The following RAD23A variants were observed in gnomAD, a reference collection of about 807,000 sequenced individuals.
RAD23A encodes lysine-specific demethylase RAD23A.
Under a neutral mutation model 44.8 loss-of-function variants are expected in RAD23A, and 16 were observed. The ratio of observed to expected loss-of-function variants is 0.36; its 90% CI spans 0.24 to 0.54. The LOEUF is 0.54. RAD23A is among the 20% of genes least tolerant of loss of function. The pLI is 0.89. For synonymous variants in RAD23A, 217 were observed against 202.9 expected (o/e 1.07, Z -0.59); for missense variants, 380 against 483.3 (o/e 0.79, Z 2.00).
At chr19:12,946,486 G>C (rs1032607170) in intron 1 of RAD23A, among the ~76,000 whole-genome samples, 2 of 152,214 alleles carry the variant, frequency 1.3e-5, no homozygotes, top group African/African-American at 4.8e-5. Flanking sequence ...AATTTTGGTG[G>C]TCCGTGTTTG....
At chr19:12,950,654 G>T (rs903851477) in intron 7 of RAD23A, among the ~76,000 whole-genome samples, 7 of 152,074 alleles carry the variant, frequency 4.6e-5, no homozygotes, top group African/African-American at 7.2e-5. Context: ...GCCCGCCTTG[G>T]CCTCCCAAAG....
At chr19:12,949,969 C>T (rs1254415787) in intron 7 of RAD23A, among the ~76,000 whole-genome samples, 1 of 151,860 alleles carries the variant, frequency 6.6e-6, no homozygotes, top group Non-Finnish European at 1.5e-5. Flanking sequence ...TGACCCTTCT[C>T]CTCTCACTTC....
intron 7 of RAD23A, 45 bp from the exon 8 acceptor site, chr19:12,952,644 G>A: frequency 6.4e-7 from 1 of 1,557,240 alleles, no homozygotes; most frequent in Non-Finnish European, 8.8e-7. Context: ...GAGAGGAGGG[G>A]ACCAGGGCTG....
chr19:12,948,564 G>A lies in RAD23A; in HGVS notation c.472+12G>A. 3 of 1,589,512 alleles carry A rather than the reference G, an allele frequency of 1.9e-6. No individual in the cohort carries two copies. Among genetic ancestry groups the A allele is most frequent in the Non-Finnish European group, 2.6e-6 (3 of 1,167,280 alleles). On this transcript the variant is annotated intron_variant, in intron 4 of 8. Transcript: ENST00000586534. The surrounding 1 kb of genome is among the most constrained non-coding windows in gnomAD (Gnocchi z 5.5). ...GGCCTCCACGCTAGGTGGGTGGGTG[G>A]TCCCCAGGGCAGAGGTGACTGGGTG... is the stretch of plus-strand genomic sequence containing the variant.
At chr19:12,952,123 A>G (rs1288814011) in intron 7 of RAD23A, among the ~76,000 whole-genome samples, 1 of 152,144 alleles carries the variant, frequency 6.6e-6, no homozygotes, top group Non-Finnish European at 1.5e-5. Flanking sequence ...GAGTTTCACC[A>G]TATTGGCCAG....
intron 7 of RAD23A, among the ~76,000 whole-genome samples, chr19:12,952,033 C>T (rs1443858361): frequency 2.6e-5 from 4 of 151,942 alleles, no homozygotes; most frequent in Non-Finnish European, 5.9e-5. Context: ...AGTGATTCTC[C>T]TACCTTAGCC....
rs1031172465 is a variant in RAD23A, at chr19:12,953,326, C to G, written c.*277C>G. On this transcript the variant is annotated 3_prime_UTR_variant, in exon 9 of 9. Coordinates refer to ENST00000586534, the MANE Select transcript of RAD23A (RefSeq NM_005053.4). ...AGGCGACAGATGGGCCCCTCTTGGC[C>G]TCTGTCCCAGCTCTCTGCAGCCAGA... The G allele has an allele frequency of 5.7e-5, 16 of 279,154 alleles. No individual in the cohort carries two copies. In the East Asian group the frequency reaches 7.0e-4, roughly 12 times the overall value. 17.3% of individuals were successfully genotyped at this position (279,154 alleles called of 1,614,324 possible).
intron 1 of RAD23A, among the ~76,000 whole-genome samples, chr19:12,947,574 AGGG>A (rs1568452568): frequency 2.0e-5 from 3 of 152,232 alleles, no homozygotes; most frequent in African/African-American, 7.2e-5. Flanking sequence ...CATTGAGAGC[AGGG>A]ACTTACTTGT....
At position 12,947,850 on chromosome 19, in the gene RAD23A, G is replaced by T. The variant is rs1204254760; in HGVS notation, c.75G>T (p.Val25=). The T allele has an allele frequency of 1.9e-6, 3 of 1,613,338 alleles. No homozygotes were observed. The highest frequency in any genetic ancestry group is 2.5e-6 in the Non-Finnish European group (3 of 1,179,924). Residue 25 remains valine (V), a splice_region_variant and synonymous_variant, in exon 2 of 9, where the codon GTG becomes GTT. Coordinates refer to ENST00000586534, the MANE Select transcript of RAD23A (RefSeq NM_005053.4). Reference sequence around the variant, plus strand: ...ACTGTCTGTACCACTCCCTCTAGGTGAAGGTGCTAAAGGAGAAGATAGAAG... The same window carrying T: ...ACTGTCTGTACCACTCCCTCTAGGTTAAGGTGCTAAAGGAGAAGATAGAAG... The part of the protein sequence containing the change: ...FKIRMEPDET[V]KVLKEKIEAE...
chr19:12,948,976 G>A lies in RAD23A; in HGVS notation c.601-105G>A. 6.6e-7 allele frequency: 1 copy of A among 1,518,536 alleles called. No individual in the cohort carries two copies. The highest frequency in any genetic ancestry group is 9.0e-7 in the Non-Finnish European group (1 of 1,110,906). The allele number at this position is 1,518,536 out of a possible 1,614,324, so 94.1% of individuals were successfully genotyped here. A position where few individuals can be genotyped will look rare whatever the true frequency, so the allele number is the denominator to read the frequency against. The stretch of plus-strand genomic sequence containing the variant: ...GGAGGCTGGATGTGAGTGATGGGTG[G>A]GCCTCTGGAGGGCAGGGCCGAGGCC... On this transcript the variant is annotated intron_variant, in intron 5 of 8. Transcript: ENST00000586534. This position sits in a 1 kb window ranked among gnomAD's most constrained non-coding sequence, Gnocchi z 5.5.
Position 12,948,555 on chromosome 19 carries a change from G to C in RAD23A, c.472+3G>C, listed in dbSNP as rs577377583. On this transcript the variant is annotated splice_donor_region_variant and intron_variant, in intron 4 of 8. Coordinates refer to ENST00000586534, the MANE Select transcript of RAD23A (RefSeq NM_005053.4). The surrounding 1 kb of genome is among the most constrained non-coding windows in gnomAD (Gnocchi z 5.5). ...GGAAGACGCGGCCTCCACGCTAGGT[G>C]GGTGGGTGGTCCCCAGGGCAGAGGT... The C allele has an allele frequency of 5.0e-6, 8 of 1,592,568 alleles. No homozygotes were observed. In the Admixed American group the frequency reaches 1.2e-4, roughly 25 times the overall value.
chr19:12,951,102 T>TA (rs1402420209), intron 7 of RAD23A, among the ~76,000 whole-genome samples: 1 of 152,192 alleles, frequency 6.6e-6, no homozygotes, highest in African/African-American at 2.4e-5. Context: ...AACTTCCAGA[T>TA]ACCTAAATCC....
At chr19:12,949,647 C>G in intron 7 of RAD23A, 1 of 561,596 alleles carries the variant, frequency 1.8e-6, no homozygotes, top group South Asian at 2.4e-5. Flanking sequence ...ACACCGGAAA[C>G]TTAGAGCAGC....
chr19:12,946,615 G>A (rs1187850117), intron 1 of RAD23A, among the ~76,000 whole-genome samples: 1 of 152,124 alleles, frequency 6.6e-6, no homozygotes, highest in Non-Finnish European at 1.5e-5. Flanking sequence ...TAGGGATTGA[G>A]GAACTTTGCC....
At chr19:12,946,084 G>GGGGGGGGGGGGGGCT in intron 1 of RAD23A, 64 bp downstream of exon 1, 2 of 512,142 alleles carry the variant, frequency 3.9e-6, no homozygotes, top group Non-Finnish European at 7.3e-6. Context: ...TGGGGGCGGG[G>GGGGGGGGGGGGGGCT]AGGCTAGAAT....
At position 12,953,231 on chromosome 19, in the gene RAD23A, C is replaced by A; in HGVS notation, c.*182C>A. The A allele has an allele frequency of 2.2e-6, 1 of 453,742 alleles. No homozygotes were observed. Among genetic ancestry groups the A allele is most frequent in the Non-Finnish European group, 3.8e-6 (1 of 264,330 alleles). The allele number at this position is 453,742 out of a possible 1,614,324, so 28.1% of individuals were successfully genotyped here. A position where few individuals can be genotyped will look rare whatever the true frequency, so the allele number is the denominator to read the frequency against. On this transcript the variant is annotated 3_prime_UTR_variant, in exon 9 of 9. Coordinates refer to ENST00000586534, the MANE Select transcript of RAD23A (RefSeq NM_005053.4). ...CTAAAGTGGCCCCTGTTCCCATCTCCCGGGCCAGACAGCTGTCCCCCCGTC... is the reference window on the plus strand; with the variant it reads ...CTAAAGTGGCCCCTGTTCCCATCTCACGGGCCAGACAGCTGTCCCCCCGTC...
At chr19:12,952,665 T>G in intron 7 of RAD23A, 24 bp from the exon 8 acceptor site, 1 of 1,595,948 alleles carries the variant, frequency 6.3e-7, no homozygotes, top group Non-Finnish European at 8.6e-7. Context: ...TGAATTACCT[T>G]CCCTTCCCCA....
At position 12,945,883 on chromosome 19, in the gene RAD23A, A is replaced by G. The variant is rs1599665088; in HGVS notation, c.-66A>G. 2.7e-5 allele frequency: 42 copies of G among 1,549,156 alleles called. No individual in the cohort carries two copies. The East Asian group carries it at 9.7e-4, about 36-fold the overall frequency. On this transcript the variant is annotated 5_prime_UTR_variant, in exon 1 of 9. It removes an upstream start codon present in the reference 5' UTR. Coordinates refer to ENST00000586534, the MANE Select transcript of RAD23A (RefSeq NM_005053.4). ...CGGCGCGGCGCGCCTGGGCGCTAAG[A>G]TGGCGGCGGCGTGAGTTGCATGTTG... is the stretch of plus-strand genomic sequence containing the variant.
chr19:12,946,069 T>TGGGTTGGGGGGGGG, intron 1 of RAD23A, 49 bp downstream of exon 1: 1 of 171,596 alleles, frequency 5.8e-6, no homozygotes, highest in Non-Finnish European at 1.0e-5. Flanking sequence ...GTTTCGGGGG[T>TGGGTTGGGGGGGGG]GGGGTGGGGG....
Sources: gnomAD v4.1 joint callset for allele counts (sites outside exome capture counted in the v4.1 genomes callset) on GRCh38, gnomAD v4.1.1 for gene constraint, Gnocchi (gnomAD v3.1) non-coding constraint, MANE v1.5 for transcripts, NCBI Gene and HGNC (gene_info 2026-07-23, HGNC 2026-07-21) for gene names.